ANXA7: variants seen among roughly 807,000 people sequenced by gnomAD.
ANXA7 encodes the protein annexin VII.
In ANXA7, 55 loss-of-function variants were observed where a neutral mutation model predicts 64.9. The observed-to-expected ratio is 0.85, with a 90% CI of 0.68 to 1.06. ANXA7 has a LOEUF of 1.06. Ranked by LOEUF, ANXA7 falls within the 50% of genes least tolerant of loss-of-function variation. The pLI, the probability that ANXA7 is intolerant of heterozygous loss-of-function variation, is 0.00. For missense variants in ANXA7, 548 were observed against 582.1 expected (o/e 0.94, Z 0.60); for synonymous variants, 200 against 192.4 (o/e 1.04, Z -0.33).
intron 6 of ANXA7, 147 bp downstream of exon 6, chr10:73,388,165 T>C: frequency 3.2e-6 from 2 of 630,604 alleles, no homozygotes; most frequent in Non-Finnish European, 5.6e-6. Context: ...TCTCTTAGAA[T>C]GCTTACAAGG....
At chr10:73,401,271 C>CAA (rs968338148) in intron 1 of ANXA7, among the ~76,000 whole-genome samples, 6 of 150,616 alleles carry the variant, frequency 4.0e-5, no homozygotes, top group African/African-American at 1.5e-4. Context: ...ACAACACACA[C>CAA]ACACACACAC....
intron 7 of ANXA7, among the ~76,000 whole-genome samples, chr10:73,384,294 G>T (rs12257216): frequency 0.022 from 3,376 of 152,120 alleles, 109 homozygotes; most frequent in African/African-American, 0.071. Flanking sequence ...ATGAAACAAA[G>T]AATTATTCAA....
At position 73,412,795 on chromosome 10, in the gene ANXA7, C is replaced by CTTTTTT. The variant is rs55814659; in HGVS notation, c.-2+1211_-2+1216dup. Among the ~76,000 whole-genome samples, 199 of 131,602 alleles carry CTTTTTT rather than the reference C, an allele frequency of 1.5e-3. 1 individual carries two copies. Among genetic ancestry groups the CTTTTTT allele is most frequent in the African/African-American group, 3.3e-3 (119 of 35,986 alleles). The allele number at this position is 131,602 out of a possible 152,430, so 86.3% of individuals were successfully genotyped here. On this transcript the variant is annotated intron_variant, in intron 1 of 12. Transcript: ENST00000372921. Reference sequence around the variant, plus strand: ...ACAGGAGTGAGCCACCGCGCTCGGGCTTTTTTTTTTTTTTTTTTAAACATT... The same window carrying CTTTTTT: ...ACAGGAGTGAGCCACCGCGCTCGGGCTTTTTTTTTTTTTTTTTTTTTTTTAAACATT...
intron 12 of ANXA7, among the ~76,000 whole-genome samples, chr10:73,376,802 A>T (rs569284776): frequency 1.3e-5 from 2 of 152,350 alleles, no homozygotes; most frequent in Admixed American, 1.3e-4. Flanking sequence ...GGTGGGATAC[A>T]CGTACAATAG....
chr10:73,398,075 G>T, intron 3 of ANXA7, 106 bp downstream of exon 3: 1 of 1,143,784 alleles, frequency 8.7e-7, no homozygotes. Context: ...TTACCTAAGA[G>T]CGACTTGACC....
Position 73,380,137 on chromosome 10 carries a change from T to G in ANXA7, c.983A>C (p.Tyr328Ser), listed in dbSNP as rs762163604. 19 of 1,614,036 alleles carry G rather than the reference T, an allele frequency of 1.2e-5. No individual in the cohort carries two copies. The East Asian group carries it at 4.2e-4, about 36-fold the overall frequency. ...CCCTAGTCTCCCCTCACCAGCTTGA[T>G]AGAGACGCTGAGCATCTTCCTGAGC... ...QMAQEDAQRL[Y>S]QAGEGRLGTD... Residue 328 changes from tyrosine (Y) to serine (S), a missense_variant, in exon 10 of 13, where the codon TAT becomes TCT. Tyr to Ser is a moderately radical substitution (Grantham distance 144). Transcript: ENST00000372921.
At position 73,380,103 on chromosome 10, in the gene ANXA7, T is replaced by C. The variant is rs780291975; in HGVS notation, c.1017A>G (p.Glu339=). Residue 339 remains glutamate (E), a synonymous_variant, in exon 10 of 13, where the codon GAA becomes GAG. Transcript: ENST00000372921. The stretch of plus-strand genomic sequence containing the variant: ...TGGCAAGGATCATGTTAAAGCAAGA[T>C]TCATCGGTCCCTAGTCTCCCCTCAC... ...QAGEGRLGTD[E]SCFNMILATR... The C allele has an allele frequency of 3.1e-6, 5 of 1,614,056 alleles. No homozygotes were observed. The highest frequency in any genetic ancestry group is 4.2e-6 in the Non-Finnish European group (5 of 1,180,040).
In ANXA7 at chr10:73,410,801, G is replaced by T. The variant is rs915795459; in HGVS notation, c.-2+3211C>A. On this transcript the variant is annotated intron_variant, in intron 1 of 12. Transcript: ENST00000372921. ...CATCTCAAAAAAAAAAAAAAAAAAA[G>T]TCAAAAAACAATAGATGTTGGTGTG... 7.0e-3 allele frequency among the ~76,000 whole-genome samples: 975 copies of T among 140,006 alleles called. 40 individuals are homozygous for T. The highest frequency in any genetic ancestry group is 3.1e-3 in the Non-Finnish European group (203 of 64,764). The allele number at this position is 140,006 out of a possible 152,430, so 91.8% of individuals were successfully genotyped here.
At chr10:73,397,552 C>T (rs370121500) in intron 3 of ANXA7, among the ~76,000 whole-genome samples, 1 of 152,148 alleles carries the variant, frequency 6.6e-6, no homozygotes, top group East Asian at 1.9e-4. Flanking sequence ...CTACCTACCA[C>T]GTTCAAGTGA....
At chr10:73,387,409 G>A (rs879324312) in intron 7 of ANXA7, among the ~76,000 whole-genome samples, 1 of 152,202 alleles carries the variant, frequency 6.6e-6, no homozygotes, top group African/African-American at 2.4e-5. Context: ...CAGCTACTCA[G>A]GAGGCTGAGG....
intron 5 of ANXA7, among the ~76,000 whole-genome samples, chr10:73,391,851 A>T (rs2055489099): frequency 6.6e-6 from 1 of 152,190 alleles, no homozygotes; most frequent in South Asian, 2.1e-4. Flanking sequence ...ACTTCCATCT[A>T]AAAGCTCTTC....
At chr10:73,412,236 C>G (rs982003998) in intron 1 of ANXA7, among the ~76,000 whole-genome samples, 1 of 151,616 alleles carries the variant, frequency 6.6e-6, no homozygotes, top group African/African-American at 2.4e-5. Flanking sequence ...GGGGTTTCAC[C>G]GTGTTAGTCA....
intron 2 of ANXA7, among the ~76,000 whole-genome samples, 167 bp from the exon 3 acceptor site, chr10:73,398,552 T>C (rs1439598422): frequency 1.3e-5 from 2 of 152,178 alleles, no homozygotes; most frequent in East Asian, 3.9e-4. Context: ...AGTATACCAG[T>C]TTGTAAGGAC....
At chr10:73,410,905 A>C (rs1429944343) in intron 1 of ANXA7, among the ~76,000 whole-genome samples, 1 of 152,144 alleles carries the variant, frequency 6.6e-6, no homozygotes, top group Non-Finnish European at 1.5e-5. Context: ...TTGAAGAGCT[A>C]AAAAAGATCT....
chr10:73,400,945 T>C (rs2055653458), intron 1 of ANXA7, 88 bp from the exon 2 acceptor site: 2 of 1,185,480 alleles, frequency 1.7e-6, no homozygotes, highest in East Asian at 2.9e-5. Context: ...TCTCACTCTG[T>C]CACCAGGTTG....
intron 5 of ANXA7, among the ~76,000 whole-genome samples, chr10:73,394,752 C>G (rs1409864325): frequency 2.0e-5 from 3 of 152,098 alleles, no homozygotes; most frequent in Non-Finnish European, 4.4e-5. Context: ...GGAGATACAC[C>G]TAATATAAAT....
At chr10:73,392,005 TG>T (rs1362747215) in intron 5 of ANXA7, among the ~76,000 whole-genome samples, 1 of 151,954 alleles carries the variant, frequency 6.6e-6, no homozygotes, top group African/African-American at 2.4e-5. Context: ...CAATAAAAAA[TG>T]ATAAAGGGGA....
intron 7 of ANXA7, among the ~76,000 whole-genome samples, chr10:73,385,196 T>C (rs931480722): frequency 1.3e-5 from 2 of 152,228 alleles, no homozygotes; most frequent in African/African-American, 4.8e-5. Context: ...AATCTTGGAT[T>C]ATTACACTGA....
intron 3 of ANXA7, among the ~76,000 whole-genome samples, chr10:73,397,636 T>C (rs1238589290): frequency 1.3e-5 from 2 of 152,068 alleles, no homozygotes; most frequent in Admixed American, 1.3e-4. Context: ...TTTCATATTT[T>C]TAGTAGAGAC....
Sources: gnomAD v4.1 joint callset for allele counts (sites outside exome capture counted in the v4.1 genomes callset) on GRCh38, gnomAD v4.1.1 for gene constraint, MANE v1.5 for transcripts, NCBI Gene and HGNC (gene_info 2026-07-23, HGNC 2026-07-21) for gene names.